The following GATD1 variants were observed in gnomAD, a reference collection of about 807,000 sequenced individuals.
GATD1 encodes glutamine amidotransferase-like class 1 domain-containing protein 1.
Under a neutral mutation model 25.9 loss-of-function variants are expected in GATD1, and 23 were observed. The ratio of observed to expected loss-of-function variants is 0.89; its 90% CI spans 0.64 to 1.26. GATD1 has a LOEUF of 1.26. GATD1 is among the 50% of genes most tolerant of loss of function. The pLI is 0.00. For missense variants in GATD1, 347 were observed against 312.5 expected, an observed-to-expected ratio of 1.11 and a Z score of -0.83; for synonymous variants, 177 against 134.6, an observed-to-expected ratio of 1.31 and a Z score of -2.18.
chr11:770,967 G>T, intron 7 of GATD1, 26 bp downstream of exon 7: 1 of 1,613,620 alleles, frequency 6.2e-7, no homozygotes, highest in Non-Finnish European at 8.5e-7. Flanking sequence ...GATGTGGCAG[G>T]AATGTGCCCA....
rs1436295389 is a variant in GATD1 at position 772,498 on chromosome 11, CG to C, written c.378del (p.His126GlnfsTer23). ...GTGGCACAGCACAGGGCGGCGACACCGTGGCCGACGGCGCAGATGGGTTCTG... is the reference window on the plus strand; with the variant it reads ...GTGGCACAGCACAGGGCGGCGACACCTGGCCGACGGCGCAGATGGGTTCTG... ...SESKPICAVG[H>X]GVAALCCATN... On this transcript the variant is annotated frameshift_variant, in exon 5 of 8. Coordinates refer to ENST00000319863, the MANE Select transcript of GATD1 (RefSeq NM_182612.4). LOFTEE classifies it high-confidence loss of function. The C allele has an allele frequency of 1.2e-6, 2 of 1,612,022 alleles. No individual in the cohort carries two copies. Among genetic ancestry groups the C allele is most frequent in the African/African-American group, 2.7e-5 (2 of 74,940 alleles).
At chr11:776,850 G>A (rs1040831766) in intron 1 of GATD1, 4 of 152,282 alleles carry the variant, frequency 2.6e-5, no homozygotes, top group Admixed American at 2.6e-4. Flanking sequence ...TGAGCCCCAG[G>A]CCAGTACTGC....
intron 1 of GATD1, chr11:777,181 T>C (rs1337124479): frequency 2.8e-4 from 51 of 183,612 alleles, no homozygotes; most frequent in Admixed American, 4.6e-4. Context: ...CCGAGCTCCA[T>C]CCCACCAACC....
rs1863205275 is a variant in GATD1, at chr11:768,831, TGGCTCACGC to T, written c.*2057_*2065del. On this transcript the variant is annotated 3_prime_UTR_variant, in exon 8 of 8. Transcript: ENST00000319863. The stretch of plus-strand genomic sequence containing the variant: ...AAAACAAAAATTACGCCGGGCGCAG[TGGCTCACGC>T]CTGTAATCCTAACACTTTGGGAGGC... The T allele has an allele frequency of 6.6e-6, 1 of 151,844 alleles. No homozygotes were observed. The highest frequency in any genetic ancestry group is 1.5e-5 in the Non-Finnish European group (1 of 67,998). The allele number at this position is 151,844 out of a possible 1,614,324, so 9.4% of individuals were successfully genotyped here.
rs966877360 is a variant in GATD1, at chr11:769,388, T to A, written c.*1509A>T. The A allele has an allele frequency of 1.3e-6, 1 of 752,028 alleles. No homozygotes were observed. Among genetic ancestry groups the A allele is most frequent in the Admixed American group, 6.3e-5 (1 of 15,994 alleles). 46.6% of individuals were successfully genotyped at this position (752,028 alleles called of 1,614,324 possible). On this transcript the variant is annotated 3_prime_UTR_variant, in exon 8 of 8. Coordinates refer to ENST00000319863, the MANE Select transcript of GATD1 (RefSeq NM_182612.4). ...CAGGTTGGAGTGCAATGGCGCAATCTTGGCTCACTGCAACTTCCGCCTCCC... is the reference window on the plus strand; with the variant it reads ...CAGGTTGGAGTGCAATGGCGCAATCATGGCTCACTGCAACTTCCGCCTCCC...
intron 4 of GATD1, 102 bp downstream of exon 4, chr11:773,420 A>G (rs1178615162): frequency 1.0e-6 from 1 of 966,168 alleles, no homozygotes; most frequent in Non-Finnish European, 1.6e-6. Context: ...AGATCCAGAA[A>G]CGCCTACCTG....
intron 1 of GATD1, among the ~76,000 whole-genome samples, chr11:776,465 C>CA (rs1419820097): frequency 6.6e-6 from 1 of 152,148 alleles, no homozygotes; most frequent in East Asian, 1.9e-4. Context: ...CGGACCTCCT[C>CA]ACGCCTACCT....
Position 769,064 on chromosome 11 carries a change from G to C in GATD1, c.*1833C>G. Reference sequence around the variant, plus strand: ...TGCAGTGAGCCAAGATTGTGCCACTGCACTCCAGCCTGGGTGACGAGAGAC... The same window carrying C: ...TGCAGTGAGCCAAGATTGTGCCACTCCACTCCAGCCTGGGTGACGAGAGAC... On this transcript the variant is annotated 3_prime_UTR_variant, in exon 8 of 8. Transcript: ENST00000319863. The C allele has an allele frequency of 1.1e-6, 1 of 894,776 alleles. No individual in the cohort carries two copies. The highest frequency in any genetic ancestry group is 1.3e-6 in the Non-Finnish European group (1 of 747,650). The allele number at this position is 894,776 out of a possible 1,614,324, so 55.4% of individuals were successfully genotyped here.
chr11:774,569 G>A (rs1015236689), intron 2 of GATD1, among the ~76,000 whole-genome samples: 3 of 152,248 alleles, frequency 2.0e-5, no homozygotes, highest in Non-Finnish European at 4.4e-5. Flanking sequence ...AGAGGCTCAC[G>A]CCTATAATCC....
Position 771,332 on chromosome 11 carries a change from C to T in GATD1, c.544+1G>A. ...GTGCAGGGGGCACCCTCGAGGCTCA[C>T]CACTGAAGCAGGCGCCCGAATCCTT... On this transcript the variant is annotated splice_donor_variant, in intron 6 of 7. Transcript: ENST00000319863. LOFTEE classifies it high-confidence loss of function. The T allele has an allele frequency of 6.2e-7, 1 of 1,601,278 alleles. No homozygotes were observed. The highest frequency in any genetic ancestry group is 8.5e-7 in the Non-Finnish European group (1 of 1,174,416).
chr11:773,621 A>G lies in GATD1; in HGVS notation c.256T>C (p.Tyr86His). 3.7e-6 allele frequency: 6 copies of G among 1,607,264 alleles called. No homozygotes were observed. Among genetic ancestry groups the G allele is most frequent in the Non-Finnish European group, 5.1e-6 (6 of 1,178,048 alleles). The change falls in exon 4 of 8, where the codon TAC (tyrosine) becomes CAC (histidine). Residue 86 changes from tyrosine (Y) to histidine (H), a missense_variant. Coordinates refer to ENST00000319863, the MANE Select transcript of GATD1 (RefSeq NM_182612.4). Reference protein sequence around the residue: ...AKLESIDGARYHALLIPSCPG... With the variant: ...AKLESIDGARHHALLIPSCPG... Reference sequence around the variant, plus strand: ...CAGCTGGGGATCAGGAGGGCATGGTACCGGGCACCTGGGGGGAGACCACAA... The same window carrying G: ...CAGCTGGGGATCAGGAGGGCATGGTGCCGGGCACCTGGGGGGAGACCACAA...
In GATD1 at chr11:774,073, G is replaced by A; in HGVS notation, c.182C>T (p.Ala61Val). The A allele has an allele frequency of 6.2e-7, 1 of 1,613,740 alleles. No homozygotes were observed. The highest frequency in any genetic ancestry group is 8.5e-7 in the Non-Finnish European group (1 of 1,180,006). The change falls in exon 3 of 8, where the codon GCA (alanine) becomes GTA (valine). Residue 61 changes from alanine to valine, a missense_variant. By Grantham distance (64) the Ala-to-Val change is moderately conservative. Transcript: ENST00000319863. The stretch of plus-strand genomic sequence containing the variant: ...GAGGCGGAAGTCTTGCACCCAGCGT[G>A]CATTGCTCTCAGTCACATCCACAAA... ...MEFVDVTESN[A>V]RWVQDFRLKA... is the part of the protein sequence containing the mutation.
At chr11:773,675 G>C in intron 3 of GATD1, 46 bp from the exon 4 acceptor site, 1 of 1,444,722 alleles carries the variant, frequency 6.9e-7, no homozygotes, top group Non-Finnish European at 9.6e-7. Flanking sequence ...GTCAAAGTGA[G>C]ACTACCTGCA....
At position 767,269 on chromosome 11, in the gene GATD1, C is replaced by T. The variant is rs1440793592; in HGVS notation, c.*3628G>A. The T allele has an allele frequency of 6.5e-7, 1 of 1,536,150 alleles. No homozygotes were observed. On this transcript the variant is annotated 3_prime_UTR_variant, in exon 8 of 8. Coordinates refer to ENST00000319863, the MANE Select transcript of GATD1 (RefSeq NM_182612.4). ...TATTCCTCATGGGTAGATGAACACACACTGGTATATGGGGAAATCCTCACC... is the reference window on the plus strand; with the variant it reads ...TATTCCTCATGGGTAGATGAACACATACTGGTATATGGGGAAATCCTCACC...
At position 772,536 on chromosome 11, in the gene GATD1, T is replaced by C. The variant is rs955302891; in HGVS notation, c.356-15A>G. Reference sequence around the variant, plus strand: ...GCAGATGGGTTCTGAAAGCCGTACATGGCGTTGAGGCCCTGGACCCCGCCA... The same window carrying C: ...GCAGATGGGTTCTGAAAGCCGTACACGGCGTTGAGGCCCTGGACCCCGCCA... On this transcript the variant is annotated splice_polypyrimidine_tract_variant and intron_variant, in intron 4 of 7. Coordinates refer to ENST00000319863, the MANE Select transcript of GATD1 (RefSeq NM_182612.4). 3.1e-6 allele frequency: 5 copies of C among 1,606,928 alleles called. No individual in the cohort carries two copies. The Admixed American group carries it at 5.0e-5, about 16-fold the overall frequency.
intron 1 of GATD1, 39 bp from the exon 2 acceptor site, chr11:775,181 A>G: frequency 6.5e-7 from 1 of 1,543,558 alleles, no homozygotes; most frequent in Non-Finnish European, 8.8e-7. Flanking sequence ...CGACAGGACT[A>G]GCGTGCCCCG....
intron 2 of GATD1, 54 bp downstream of exon 2, chr11:775,012 G>A: frequency 1.3e-6 from 2 of 1,510,188 alleles, no homozygotes; most frequent in East Asian, 2.3e-5. Context: ...CTTGCCCCCG[G>A]AGAGGTGGAG....
Position 770,774 on chromosome 11 carries a change from G to T in GATD1, c.*123C>A. On this transcript the variant is annotated 3_prime_UTR_variant, in exon 8 of 8. Coordinates refer to ENST00000319863, the MANE Select transcript of GATD1 (RefSeq NM_182612.4). The stretch of plus-strand genomic sequence containing the variant: ...GGAGGCCTCCAACAATCCCATCAGG[G>T]CCAGACCAGGCTGCCATCCAGGGCC... 6.6e-7 allele frequency: 1 copy of T among 1,525,114 alleles called. No homozygotes were observed. The allele number at this position is 1,525,114 out of a possible 1,614,324, so 94.5% of individuals were successfully genotyped here.
intron 2 of GATD1, 39 bp from the exon 3 acceptor site, chr11:774,152 G>C: frequency 3.2e-6 from 5 of 1,566,070 alleles, no homozygotes; most frequent in South Asian, 2.2e-5. Flanking sequence ...GTCAGCACCA[G>C]GGATATCCCT....
Sources: allele counts gnomAD v4.1 joint callset (sites outside exome capture counted in the v4.1 genomes callset), GRCh38; gene constraint gnomAD v4.1.1; transcripts MANE v1.5; gene names NCBI Gene and HGNC (gene_info 2026-07-23, HGNC 2026-07-21).